The following GCNT1 variants were observed in gnomAD, a reference collection of about 807,000 sequenced individuals.
The protein encoded by GCNT1 is beta-1,3-galactosyl-O-glycosyl-glycoprotein beta-1,6-N-acetylglucosaminyltransferase.
In GCNT1, 16 loss-of-function variants were observed where a neutral mutation model predicts 26.2. That is an observed-to-expected ratio of 0.61 (90% CI 0.41 to 0.93). GCNT1 has a LOEUF of 0.93. Ranked by LOEUF, GCNT1 falls within the 40% of genes least tolerant of loss-of-function variation. The pLI is 0.00. For missense variants in GCNT1, 477 were observed against 526.7 expected (o/e 0.91, Z 0.92); for synonymous variants, 183 against 190.8 (o/e 0.96, Z 0.34).
At chr9:76,463,013 G>A (rs958208457) in intron 2 of GCNT1, among the ~76,000 whole-genome samples, 1 of 152,182 alleles carries the variant, frequency 6.6e-6, no homozygotes, top group Admixed American at 6.5e-5. Flanking sequence ...GAAGACTGCT[G>A]TGTATTTCTG....
chr9:76,493,262 G>A (rs576897282), intron 2 of GCNT1, among the ~76,000 whole-genome samples: 2 of 152,126 alleles, frequency 1.3e-5, no homozygotes, highest in East Asian at 3.8e-4. Context: ...CTTGCTGACC[G>A]GTAGGGAATT....
chr9:76,464,621 C>T (rs1003076681), intron 2 of GCNT1, among the ~76,000 whole-genome samples: 1 of 152,082 alleles, frequency 6.6e-6, no homozygotes, highest in African/African-American at 2.4e-5. Flanking sequence ...GATCATAGCA[C>T]ACTTCAGTTG....
At chr9:76,399,490 T>C in the GCNT1 span, 1 of 1,592,232 alleles carries the variant, frequency 6.3e-7, no homozygotes, top group Non-Finnish European at 8.5e-7. Context: ...AGTTCCCTAC[T>C]GAAGACTGGA....
chr9:76,445,252 G>A (rs1262869419), intron 1 of GCNT1, among the ~76,000 whole-genome samples: 1 of 152,126 alleles, frequency 6.6e-6, no homozygotes, highest in African/African-American at 2.4e-5. Flanking sequence ...TGAGGATCAG[G>A]TGCCCCAGTG....
upstream of GCNT1, among the ~76,000 whole-genome samples, chr9:76,454,262 G>T (rs1034856224): frequency 6.6e-6 from 1 of 151,792 alleles, no homozygotes; most frequent in African/African-American, 2.4e-5. Context: ...TGTAATCCCA[G>T]CTACTTGGGA....
chr9:76,398,316 A>T, the GCNT1 span, among the ~76,000 whole-genome samples: 1 of 152,266 alleles, frequency 6.6e-6, no homozygotes, highest in Non-Finnish European at 1.5e-5. Flanking sequence ...ATATGAAAAG[A>T]TGTTCAACAT....
chr9:76,396,354 C>T, the GCNT1 span, among the ~76,000 whole-genome samples: 49,353 of 151,968 alleles, frequency 0.32, 8,515 homozygotes, highest in Non-Finnish European at 0.38. Context: ...CTCTGGGAGA[C>T]CGAGGTGAGC....
At chr9:76,418,997 A>G (rs1823155406), upstream of GCNT1, among the ~76,000 whole-genome samples, 1 of 152,126 alleles carries the variant, frequency 6.6e-6, no homozygotes, top group Non-Finnish European at 1.5e-5. Flanking sequence ...GGGAGAGACA[A>G]AATGTTAGTG....
intron 1 of GCNT1, among the ~76,000 whole-genome samples, chr9:76,443,894 A>AAAGAAAGAAAGGAAGAAAGG (rs1823522439): frequency 1.3e-4 from 17 of 127,292 alleles, no homozygotes; most frequent in Admixed American, 1.3e-3. Context: ...AGAAAGAAAG[A>AAAGAAAGAAAGGAAGAAAGG]AAGAAAGGAA....
chr9:76,415,204 C>G (rs186426495), upstream of GCNT1, among the ~76,000 whole-genome samples: 3 of 152,164 alleles, frequency 2.0e-5, no homozygotes, highest in East Asian at 5.8e-4. Context: ...GCTACAGGCA[C>G]GCACCACATA....
the GCNT1 span, among the ~76,000 whole-genome samples, chr9:76,408,963 A>G: frequency 1.3e-5 from 2 of 152,200 alleles, no homozygotes; most frequent in Admixed American, 6.5e-5. Flanking sequence ...TGCTGAGATT[A>G]CAGGTGTGGG....
At chr9:76,416,129 AC>A, upstream of GCNT1, among the ~76,000 whole-genome samples, 1 of 152,122 alleles carries the variant, frequency 6.6e-6, no homozygotes, top group South Asian at 2.1e-4. Context: ...CCCATCCCAT[AC>A]CCATAAAAAC....
At chr9:76,394,538 C>T in the GCNT1 span, 19 of 148,336 alleles carry the variant, frequency 1.3e-4, no homozygotes, top group Non-Finnish European at 1.8e-4. Context: ...CGCTCGGCTT[C>T]CGTAGCCCCG....
At chr9:76,435,028 A>T (rs1564222791) in intron 1 of GCNT1, among the ~76,000 whole-genome samples, 1 of 152,216 alleles carries the variant, frequency 6.6e-6, no homozygotes, top group African/African-American at 2.4e-5. Flanking sequence ...ATACGTGCAC[A>T]GCTGAACATA....
At chr9:76,399,222 G>A in the GCNT1 span, 1 of 1,495,650 alleles carries the variant, frequency 6.7e-7, no homozygotes, top group Non-Finnish European at 9.2e-7. Context: ...GGTTTGATGT[G>A]GTAGATGCTG....
chr9:76,395,105 C>G, the GCNT1 span, among the ~76,000 whole-genome samples: 9 of 152,234 alleles, frequency 5.9e-5, no homozygotes, highest in Middle Eastern at 3.4e-3. Context: ...TTCACAAGCC[C>G]GATAACAGGC....
At chr9:76,437,117 AG>A (rs1823420454), upstream of GCNT1, among the ~76,000 whole-genome samples, 2 of 152,158 alleles carry the variant, frequency 1.3e-5, no homozygotes, top group Non-Finnish European at 2.9e-5. Context: ...TAATAAAAAA[AG>A]AAAAGAAAAA....
chr9:76,457,652 C>T (rs903002141), upstream of GCNT1, among the ~76,000 whole-genome samples: 2 of 152,034 alleles, frequency 1.3e-5, no homozygotes, highest in Non-Finnish European at 2.9e-5. Flanking sequence ...TTAATATGTT[C>T]GAAATTTCAA....
chr9:76,481,363 C>G (rs964843943), intron 2 of GCNT1, among the ~76,000 whole-genome samples: 3 of 151,468 alleles, frequency 2.0e-5, no homozygotes, highest in African/African-American at 7.3e-5. Flanking sequence ...GCTTTGAATT[C>G]TGCCTGATAT....
Sources: allele counts gnomAD v4.1 joint callset (sites outside exome capture counted in the v4.1 genomes callset), GRCh38; gene constraint gnomAD v4.1.1; transcripts MANE v1.5; gene names NCBI Gene and HGNC (gene_info 2026-07-23, HGNC 2026-07-21).